AOAH: variants seen among roughly 807,000 people sequenced by gnomAD.
The protein encoded by AOAH is acyloxyacyl hydrolase (neutrophil).
A neutral mutation model predicts 92.2 loss-of-function variants in AOAH; 64 were observed. The ratio of observed to expected loss-of-function variants is 0.69; its 90% CI spans 0.57 to 0.86. The LOEUF (loss-of-function observed/expected upper bound fraction) is 0.86, where lower values mean the gene tolerates loss of function less well. AOAH is among the 40% of genes least tolerant of loss of function. The pLI is 0.00. For missense variants in AOAH, 656 were observed against 694.6 expected (o/e 0.94, Z 0.62); for synonymous variants, 263 against 254.5 (o/e 1.03, Z -0.32).
At chr7:36,692,856 C>A (rs1315559160) in intron 1 of AOAH, among the ~76,000 whole-genome samples, 1 of 152,104 alleles carries the variant, frequency 6.6e-6, no homozygotes, top group Admixed American at 6.5e-5. Context: ...GATAGAGGAA[C>A]CTGGTAGTGC....
chr7:36,681,667 TC>T (rs1268594899), intron 2 of AOAH, among the ~76,000 whole-genome samples: 1 of 152,026 alleles, frequency 6.6e-6, no homozygotes, highest in Non-Finnish European at 1.5e-5. Flanking sequence ...TAGCCAGGCA[TC>T]CTGATGGGTA....
At chr7:36,674,772 C>G (rs923459896) in intron 2 of AOAH, among the ~76,000 whole-genome samples, 3 of 152,206 alleles carry the variant, frequency 2.0e-5, no homozygotes, top group African/African-American at 7.2e-5. Context: ...GAGAATCTAT[C>G]TTGTCATGAT....
intron 13 of AOAH, among the ~76,000 whole-genome samples, chr7:36,573,288 G>T (rs918997953): frequency 6.6e-6 from 1 of 152,216 alleles, no homozygotes; most frequent in Admixed American, 6.5e-5. Context: ...TTTTGGTATC[G>T]AGGAAGTTCT....
At chr7:36,524,221 G>C (rs913165819) in intron 19 of AOAH, among the ~76,000 whole-genome samples, 17 of 151,874 alleles carry the variant, frequency 1.1e-4, no homozygotes, top group Admixed American at 1.1e-3. Context: ...AAAGACAATC[G>C]CAACAGGGTG....
chr7:36,585,332 T>G (rs934955427), intron 12 of AOAH, among the ~76,000 whole-genome samples: 1 of 152,100 alleles, frequency 6.6e-6, no homozygotes, highest in African/African-American at 2.4e-5. Flanking sequence ...GTTGTTGTTA[T>G]AGTGGAAAAA....
chr7:36,712,368 C>G (rs972529664), intron 1 of AOAH, among the ~76,000 whole-genome samples: 3 of 152,024 alleles, frequency 2.0e-5, no homozygotes, highest in African/African-American at 7.2e-5. Context: ...TTTTCTTAAC[C>G]TTTTAAAAAG....
At chr7:36,668,174 T>C (rs1795666597) in intron 3 of AOAH, among the ~76,000 whole-genome samples, 1 of 151,742 alleles carries the variant, frequency 6.6e-6, no homozygotes, top group Admixed American at 6.6e-5. Context: ...ACTCCTACCA[T>C]CAGAAACATG....
intron 5 of AOAH, among the ~76,000 whole-genome samples, chr7:36,633,731 G>A (rs1271416755): frequency 1.3e-5 from 2 of 152,240 alleles, no homozygotes; most frequent in East Asian, 1.9e-4. Flanking sequence ...TCACATTTGC[G>A]TTTCGGAAAG....
At chr7:36,642,273 T>C (rs548701166) in intron 4 of AOAH, among the ~76,000 whole-genome samples, 1 of 152,038 alleles carries the variant, frequency 6.6e-6, no homozygotes, top group Admixed American at 6.6e-5. Flanking sequence ...GGGCTGCTAA[T>C]CCAGTATTAT....
chr7:36,671,707 T>C (rs1795948519), intron 3 of AOAH, among the ~76,000 whole-genome samples: 1 of 151,524 alleles, frequency 6.6e-6, no homozygotes, highest in African/African-American at 2.4e-5. Context: ...GTTCATAAGA[T>C]TTGTTTGGGG....
chr7:36,716,217 A>G (rs536542296), intron 1 of AOAH, among the ~76,000 whole-genome samples: 6 of 152,354 alleles, frequency 3.9e-5, no homozygotes, highest in South Asian at 2.1e-4. Flanking sequence ...CAAAAGACAG[A>G]TGAAAAAATG....
chr7:36,587,009 T>C (rs1170611599), intron 12 of AOAH, among the ~76,000 whole-genome samples: 5 of 152,042 alleles, frequency 3.3e-5, no homozygotes, highest in African/African-American at 4.8e-5. Flanking sequence ...CAGTGGTTCA[T>C]TCCTATAATC....
At chr7:36,578,247 T>C (rs1562587293) in intron 12 of AOAH, among the ~76,000 whole-genome samples, 2 of 152,132 alleles carry the variant, frequency 1.3e-5, no homozygotes, top group East Asian at 3.9e-4. Context: ...CTGAGTTATA[T>C]TGGAAAATTA....
Position 36,724,111 on chromosome 7 carries a change from A to G in AOAH, c.38T>C (p.Leu13Pro). 6.2e-7 allele frequency: 1 copy of G among 1,613,676 alleles called. No individual in the cohort carries two copies. Among genetic ancestry groups the G allele is most frequent in the Non-Finnish European group, 8.5e-7 (1 of 1,179,694 alleles). Reference sequence around the variant, plus strand: ...GGACTGAAGAGACAGGAGCAAGAATAGAGGCGCCACCGTAAGGATTTTCCA... The same window carrying G: ...GGACTGAAGAGACAGGAGCAAGAATGGAGGCGCCACCGTAAGGATTTTCCA... ...SPWKILTVAPLFLLLSLQSSA... is the reference protein window; with the variant it reads ...SPWKILTVAPPFLLLSLQSSA... Residue 13 changes from leucine (L) to proline (P), a missense_variant, in exon 1 of 21, where the codon CTA (leucine) becomes CCA (proline). Physicochemically the swap from Leu to Pro is moderately conservative, Grantham distance 98. Coordinates refer to ENST00000617537, the MANE Select transcript of AOAH (RefSeq NM_001637.4).
At chr7:36,717,499 G>C (rs180741440) in intron 1 of AOAH, among the ~76,000 whole-genome samples, 3 of 151,922 alleles carry the variant, frequency 2.0e-5, no homozygotes, top group Non-Finnish European at 4.4e-5. Context: ...TATGAACTCA[G>C]AGCTTTTGGG....
intron 16 of AOAH, among the ~76,000 whole-genome samples, chr7:36,533,380 A>AG: frequency 6.6e-6 from 1 of 152,170 alleles, no homozygotes; most frequent in African/African-American, 2.4e-5. Flanking sequence ...TATACCTCTG[A>AG]TTAGTTAGAC....
chr7:36,689,023 C>T (rs111981916), intron 1 of AOAH, among the ~76,000 whole-genome samples: 9 of 152,196 alleles, frequency 5.9e-5, no homozygotes, highest in African/African-American at 2.2e-4. Context: ...GAACTCCTGG[C>T]CTCAAGTGAA....
At chr7:36,632,302 C>T (rs1027651700) in intron 5 of AOAH, among the ~76,000 whole-genome samples, 196 bp from the exon 6 acceptor site, 8 of 152,162 alleles carry the variant, frequency 5.3e-5, no homozygotes, top group Admixed American at 2.6e-4. Flanking sequence ...CTTTGCCCAT[C>T]GGGCTCCTCA....
intron 13 of AOAH, among the ~76,000 whole-genome samples, chr7:36,551,665 C>A (rs561018482): frequency 6.6e-6 from 1 of 152,266 alleles, no homozygotes; most frequent in South Asian, 2.1e-4. Context: ...TGTCCTCAAG[C>A]TTCATTCATA....
Sources: allele counts gnomAD v4.1 joint callset (sites outside exome capture counted in the v4.1 genomes callset), GRCh38; gene constraint gnomAD v4.1.1; transcripts MANE v1.5; gene names NCBI Gene and HGNC (gene_info 2026-07-23, HGNC 2026-07-21).